The following SLIT2 variants were observed in gnomAD, a reference collection of about 807,000 sequenced individuals.
The protein encoded by SLIT2 is slit guidance ligand 2, also known as slit homolog 2 protein.
SLIT2 carries 41 observed loss-of-function variants against 185.7 expected under a neutral mutation model. The ratio of observed to expected loss-of-function variants is 0.22; its 90% CI spans 0.17 to 0.29. The LOEUF is 0.29. SLIT2 is among the 10% of genes least tolerant of loss of function. The pLI is 1.00. For synonymous variants in SLIT2, 693 were observed against 680.2 expected, an observed-to-expected ratio of 1.02 and a Z score of -0.29; for missense variants, 1,571 against 1,909.0, an observed-to-expected ratio of 0.82 and a Z score of 3.30.
At chr4:20,388,074 G>T (rs538754506) in intron 4 of SLIT2, among the ~76,000 whole-genome samples, 59 of 152,210 alleles carry the variant, frequency 3.9e-4, no homozygotes, top group Middle Eastern at 6.8e-3. Context: ...AGGAAGTGAA[G>T]GGAATTTCCA....
At chr4:20,260,763 T>C (rs1013226610) in intron 3 of SLIT2, among the ~76,000 whole-genome samples, 1 of 151,866 alleles carries the variant, frequency 6.6e-6, no homozygotes, top group Non-Finnish European at 1.5e-5. Flanking sequence ...AATCAAAACA[T>C]TATAGCTATA....
intron 4 of SLIT2, among the ~76,000 whole-genome samples, chr4:20,360,560 A>G (rs4368605): frequency 0.97 from 148,320 of 152,204 alleles, 72,303 homozygotes; most frequent in East Asian, 1. Flanking sequence ...GAAGCATAGA[A>G]TGACTCAATA....
chr4:20,576,469 G>A lies in SLIT2; in HGVS notation c.3088+7465G>A, dbSNP rs540504841. On this transcript the variant is annotated intron_variant, in intron 29 of 36. Coordinates refer to ENST00000504154, the MANE Select transcript of SLIT2 (RefSeq NM_004787.4). ...AGAGCTCTTGGATTTGGCTGAGTTG[G>A]ATTTGTAGATTTTGTGTATATTTTT... is the stretch of plus-strand genomic sequence containing the variant. Among the ~76,000 whole-genome samples the A allele has an allele frequency of 2.6e-5, 4 of 152,270 alleles. No individual in the cohort carries two copies. The South Asian group carries it at 8.3e-4, about 32-fold the overall frequency.
Position 20,592,593 on chromosome 4 carries a change from T to C in SLIT2, c.3182+2856T>C, listed in dbSNP as rs1231439826. On this transcript the variant is annotated intron_variant, in intron 30 of 36. Coordinates refer to ENST00000504154, the MANE Select transcript of SLIT2 (RefSeq NM_004787.4). Reference sequence around the variant, plus strand: ...AGAGAAGGGAATATAAAATAGCTCTTAGACAGCCGCTATGGTGGATGTGTT... The same window carrying C: ...AGAGAAGGGAATATAAAATAGCTCTCAGACAGCCGCTATGGTGGATGTGTT... Among the ~76,000 whole-genome samples the C allele has an allele frequency of 2.6e-5, 4 of 152,326 alleles. No individual in the cohort carries two copies. In the South Asian group the frequency reaches 8.3e-4, roughly 32 times the overall value.
intron 36 of SLIT2, among the ~76,000 whole-genome samples, chr4:20,617,966 G>T (rs1313149833): frequency 6.6e-6 from 1 of 152,208 alleles, no homozygotes; most frequent in African/African-American, 2.4e-5. Flanking sequence ...TGATGGAGAA[G>T]CACATTTACT....
At chr4:20,608,892 A>G (rs1728992546) in intron 33 of SLIT2, among the ~76,000 whole-genome samples, 1 of 152,156 alleles carries the variant, frequency 6.6e-6, no homozygotes, top group Admixed American at 6.5e-5. Context: ...CCATGTTTCC[A>G]TGTTGGAGCC....
At chr4:20,477,712 T>C (rs972366866) in intron 5 of SLIT2, among the ~76,000 whole-genome samples, 4 of 152,236 alleles carry the variant, frequency 2.6e-5, no homozygotes, top group East Asian at 1.9e-4. Flanking sequence ...AAACCACTTA[T>C]GATACTTCTG....
chr4:20,334,938 T>A (rs541775998), intron 4 of SLIT2, among the ~76,000 whole-genome samples: 1 of 152,300 alleles, frequency 6.6e-6, no homozygotes, highest in African/African-American at 2.4e-5. Context: ...TAGTAATTAA[T>A]AAATATGTTT....
chr4:20,533,627 T>C lies in SLIT2; in HGVS notation c.1744T>C (p.Ser582Pro). The C allele has an allele frequency of 3.7e-6, 6 of 1,611,098 alleles. No individual in the cohort carries two copies. The highest frequency in any genetic ancestry group is 5.1e-6 in the Non-Finnish European group (6 of 1,177,198). The change falls in exon 18 of 37, where the codon TCT becomes CCT. Residue 582 changes from serine (S) to proline (P), a missense_variant. Transcript: ENST00000504154. ...DIEEGAFEGA[S>P]GVNEILLTSN... ...TGAGGAGGGAGCATTTGAAGGAGCA[T>C]CTGGTGTAAATGAAATACTTCTTAC...
chr4:20,530,919 A>T (rs978124060), intron 16 of SLIT2, among the ~76,000 whole-genome samples: 22 of 151,924 alleles, frequency 1.4e-4, no homozygotes, highest in African/African-American at 5.3e-4. Context: ...GGACATTCCA[A>T]TCAAAACCAC....
At chr4:20,461,873 C>G (rs182469911) in intron 4 of SLIT2, among the ~76,000 whole-genome samples, 2 of 152,130 alleles carry the variant, frequency 1.3e-5, no homozygotes, top group Non-Finnish European at 2.9e-5. Flanking sequence ...TGGAAGGAAT[C>G]ATAAGTCAAA....
intron 4 of SLIT2, among the ~76,000 whole-genome samples, chr4:20,281,175 T>C (rs1173020573): frequency 1.3e-5 from 2 of 152,208 alleles, no homozygotes; most frequent in Non-Finnish European, 2.9e-5. Flanking sequence ...TTATGCCTTA[T>C]TAAGTGGTGA....
chr4:20,598,178 C>A, intron 32 of SLIT2, 87 bp from the exon 33 acceptor site: 1 of 1,278,178 alleles, frequency 7.8e-7, no homozygotes, highest in Non-Finnish European at 1.1e-6. Context: ...ATAGTAAAAC[C>A]TGTTCACCTC....
intron 9 of SLIT2, among the ~76,000 whole-genome samples, chr4:20,504,640 A>G (rs1449166419): frequency 6.6e-6 from 1 of 152,156 alleles, no homozygotes; most frequent in Non-Finnish European, 1.5e-5. Context: ...TAATTTGTTT[A>G]AAAACATGAT....
intron 4 of SLIT2, among the ~76,000 whole-genome samples, chr4:20,382,706 A>C (rs1427148798): frequency 6.6e-6 from 1 of 152,168 alleles, no homozygotes; most frequent in Non-Finnish European, 1.5e-5. Flanking sequence ...AAGACTCAAT[A>C]CTGTATCAGT....
At position 20,254,773 on chromosome 4, in the gene SLIT2, C is replaced by T. The variant is rs1309340441; in HGVS notation, c.179+779C>T. 4.6e-5 allele frequency: 18 copies of T among 387,632 alleles called. No individual in the cohort carries two copies. Among genetic ancestry groups the T allele is most frequent in the South Asian group, 7.6e-5 (4 of 52,506 alleles). 24.0% of individuals were successfully genotyped at this position (387,632 alleles called of 1,614,324 possible). On this transcript the variant is annotated intron_variant, in intron 1 of 36. Coordinates refer to ENST00000504154, the MANE Select transcript of SLIT2 (RefSeq NM_004787.4). The surrounding 1 kb of genome is among the most constrained non-coding windows in gnomAD (Gnocchi z 5.1). ...TTACCACTGCGGCGACCCGGCGGTG[C>T]CCGGCTGCCCCCTCCGGCCCTTCCT...
chr4:20,488,300 G>A (rs1034319540), intron 7 of SLIT2, among the ~76,000 whole-genome samples: 1 of 152,094 alleles, frequency 6.6e-6, no homozygotes, highest in Non-Finnish European at 1.5e-5. Flanking sequence ...GAATAAGGGT[G>A]TGAAAAAAGT....
intron 16 of SLIT2, among the ~76,000 whole-genome samples, chr4:20,531,720 G>T (rs1216204794): frequency 1.3e-5 from 2 of 149,956 alleles, no homozygotes; most frequent in Non-Finnish European, 3.0e-5. Context: ...GAGAAAATTT[G>T]TTCTAGAGAT....
At chr4:20,289,678 C>G (rs1338141839) in intron 4 of SLIT2, among the ~76,000 whole-genome samples, 1 of 152,186 alleles carries the variant, frequency 6.6e-6, no homozygotes, top group Non-Finnish European at 1.5e-5. Context: ...TTCATGAGGA[C>G]AGAGACTTTG....
Sources: gnomAD v4.1 joint callset for allele counts (sites outside exome capture counted in the v4.1 genomes callset) on GRCh38, gnomAD v4.1.1 for gene constraint, Gnocchi (gnomAD v3.1) non-coding constraint, MANE v1.5 for transcripts, NCBI Gene and HGNC (gene_info 2026-07-23, HGNC 2026-07-21) for gene names.